The following SH3RF3 variants were observed in gnomAD, a reference collection of about 807,000 sequenced individuals.
The protein encoded by SH3RF3 is E3 ubiquitin-protein ligase SH3RF3.
SH3RF3 carries 29 observed loss-of-function variants against 66.3 expected under a neutral mutation model. The observed-to-expected ratio is 0.44, with a 90% confidence interval of 0.33 to 0.60. SH3RF3 has a LOEUF of 0.60. SH3RF3 is among the 20% of genes least tolerant of loss of function. The pLI is 0.04. For synonymous variants in SH3RF3, 583 were observed against 532.0 expected, an observed-to-expected ratio of 1.10 and a Z score of -1.32; for missense variants, 1,194 against 1,190.9, an observed-to-expected ratio of 1.00 and a Z score of -0.04.
intron 1 of SH3RF3, among the ~76,000 whole-genome samples, chr2:109,327,538 G>T (rs1350256842): frequency 6.6e-6 from 1 of 152,120 alleles, no homozygotes; most frequent in Non-Finnish European, 1.5e-5. Flanking sequence ...ATTTAAATTG[G>T]AAATGCATTT....
At chr2:109,364,713 C>T (rs565112749) in intron 2 of SH3RF3, among the ~76,000 whole-genome samples, 15 of 152,192 alleles carry the variant, frequency 9.9e-5, no homozygotes, top group African/African-American at 2.4e-4. Flanking sequence ...CAGTTTCCCC[C>T]ACTCCTCTGT....
At chr2:109,414,877 C>A (rs1400176665) in intron 4 of SH3RF3, among the ~76,000 whole-genome samples, 1 of 152,212 alleles carries the variant, frequency 6.6e-6, no homozygotes, top group Non-Finnish European at 1.5e-5. Context: ...GGACTGATGG[C>A]CCCCACACAT....
chr2:109,419,576 T>A lies in SH3RF3; in HGVS notation c.1337T>A (p.Val446Asp). 1.3e-6 allele frequency: 2 copies of A among 1,598,976 alleles called. No individual in the cohort carries two copies. The highest frequency in any genetic ancestry group is 1.7e-6 in the Non-Finnish European group (2 of 1,173,784). ...TCGGCGGGATCTACCCCCACGGCTG[T>A]CCCACGGGCTGCCTCGGTGTCTGGA... ...SSSAGSTPTA[V>D]PRAASVSGEQ... Residue 446 changes from valine (V) to aspartate (D), a missense_variant, in exon 5 of 10, where the codon GTC becomes GAC. By Grantham distance (152) the Val-to-Asp change is radical. Coordinates refer to ENST00000309415, the MANE Select transcript of SH3RF3 (RefSeq NM_001099289.3).
chr2:109,357,925 T>G (rs1169012971), intron 2 of SH3RF3, among the ~76,000 whole-genome samples: 1 of 152,212 alleles, frequency 6.6e-6, no homozygotes, highest in Non-Finnish European at 1.5e-5. Context: ...TGACAAATCG[T>G]TATTACTCTA....
intron 1 of SH3RF3, among the ~76,000 whole-genome samples, chr2:109,133,231 C>G (rs141855471): frequency 6.6e-6 from 1 of 152,162 alleles, no homozygotes; most frequent in South Asian, 2.1e-4. Context: ...TAGGCAGTGC[C>G]TTTGATGATA....
intron 1 of SH3RF3, among the ~76,000 whole-genome samples, chr2:109,163,328 A>G (rs1320805222): frequency 1.3e-5 from 2 of 151,408 alleles, no homozygotes; most frequent in East Asian, 3.9e-4. Context: ...TTGCAAGTGC[A>G]AGTTTAAGGG....
Position 109,251,033 on chromosome 2 carries a change from A to G in SH3RF3, c.574-96641A>G, listed in dbSNP as rs543456912. On this transcript the variant is annotated intron_variant, in intron 1 of 9. Coordinates refer to ENST00000309415, the MANE Select transcript of SH3RF3 (RefSeq NM_001099289.3). ...TTTATTTTTTTTGAGATTGAGTCTC[A>G]CTCTGTCGCCCAGGCTGGAGTGCAG... is the stretch of plus-strand genomic sequence containing the variant. 5.3e-5 allele frequency among the ~76,000 whole-genome samples: 8 copies of G among 151,576 alleles called. No homozygotes were observed. The East Asian group carries it at 9.7e-4, about 18-fold the overall frequency.
At chr2:109,370,946 G>A (rs1396762582) in intron 2 of SH3RF3, among the ~76,000 whole-genome samples, 1 of 152,190 alleles carries the variant, frequency 6.6e-6, no homozygotes, top group Admixed American at 6.5e-5. Flanking sequence ...GAATCTTAAA[G>A]CCTTTTCTAC....
At chr2:109,211,530 G>A (rs1483017041) in intron 1 of SH3RF3, among the ~76,000 whole-genome samples, 1 of 152,218 alleles carries the variant, frequency 6.6e-6, no homozygotes, top group East Asian at 1.9e-4. Context: ...CAGTAGGAGC[G>A]GATCAGCAAG....
intron 1 of SH3RF3, among the ~76,000 whole-genome samples, chr2:109,211,259 T>C (rs2378299): frequency 0.43 from 65,663 of 152,080 alleles, 17,020 homozygotes; most frequent in East Asian, 0.8. Flanking sequence ...GGCTAGGTGG[T>C]GAGGGGATGT....
intron 1 of SH3RF3, among the ~76,000 whole-genome samples, chr2:109,286,066 G>A (rs1681023106): frequency 6.6e-6 from 1 of 152,228 alleles, no homozygotes; most frequent in Admixed American, 6.5e-5. Flanking sequence ...GACATGGAGA[G>A]GTGGACATTC....
At chr2:109,209,898 C>G (rs893456688) in intron 1 of SH3RF3, among the ~76,000 whole-genome samples, 4 of 152,004 alleles carry the variant, frequency 2.6e-5, no homozygotes, top group African/African-American at 7.3e-5. Context: ...AAGTACGTCC[C>G]CCCTGTTTTG....
At chr2:109,420,547 G>A (rs963589028) in intron 5 of SH3RF3, among the ~76,000 whole-genome samples, 6 of 152,112 alleles carry the variant, frequency 3.9e-5, no homozygotes, top group African/African-American at 1.4e-4. Context: ...CCAGGTTCAC[G>A]CAATTCTCCT....
chr2:109,471,282 A>T (rs1237667761), intron 8 of SH3RF3, among the ~76,000 whole-genome samples: 4 of 151,280 alleles, frequency 2.6e-5, no homozygotes, highest in African/African-American at 9.7e-5. Context: ...GGTTTGATTG[A>T]CTCTCAGTTT....
chr2:109,178,701 G>A (rs1231894140), intron 1 of SH3RF3, among the ~76,000 whole-genome samples: 1 of 152,128 alleles, frequency 6.6e-6, no homozygotes, highest in East Asian at 1.9e-4. Context: ...AAGTTCTTGT[G>A]TCGTTCACAT....
At chr2:109,498,823 T>TG (rs1679319137) in intron 9 of SH3RF3, among the ~76,000 whole-genome samples, 2 of 151,854 alleles carry the variant, frequency 1.3e-5, no homozygotes, top group African/African-American at 4.8e-5. Flanking sequence ...CAGTGGAAGA[T>TG]GGTAAGAGCT....
intron 1 of SH3RF3, among the ~76,000 whole-genome samples, chr2:109,229,789 G>A (rs953400301): frequency 1.3e-5 from 2 of 151,306 alleles, no homozygotes; most frequent in Non-Finnish European, 3.0e-5. Context: ...TCCATGTTTT[G>A]GTATGTGTTT....
intron 1 of SH3RF3, among the ~76,000 whole-genome samples, chr2:109,204,364 A>C (rs981367322): frequency 4.6e-5 from 7 of 152,140 alleles, no homozygotes; most frequent in Non-Finnish European, 5.9e-5. Context: ...GAATCTCCTT[A>C]TCTTATCTTT....
At chr2:109,234,381 G>A (rs1453886306) in intron 1 of SH3RF3, among the ~76,000 whole-genome samples, 2 of 152,162 alleles carry the variant, frequency 1.3e-5, no homozygotes, top group Non-Finnish European at 2.9e-5. Context: ...GCCCTTAAGG[G>A]GACAGATGAA....
Sources: gnomAD v4.1 joint callset for allele counts (sites outside exome capture counted in the v4.1 genomes callset) on GRCh38, gnomAD v4.1.1 for gene constraint, MANE v1.5 for transcripts, NCBI Gene and HGNC (gene_info 2026-07-23, HGNC 2026-07-21) for gene names.